LRRN4: variants seen among roughly 807,000 people sequenced by gnomAD.
The protein encoded by LRRN4 is leucine-rich repeat neuronal protein 4.
Under a neutral mutation model 22.3 loss-of-function variants are expected in LRRN4, and 26 were observed. The ratio of observed to expected loss-of-function variants is 1.16; its 90% CI spans 0.85 to 1.62. The LOEUF (loss-of-function observed/expected upper bound fraction) is 1.62, where lower values mean the gene tolerates loss of function less well. Ranked by LOEUF, LRRN4 falls within the 40% of genes most tolerant of loss-of-function variation. The pLI, the probability that LRRN4 is intolerant of heterozygous loss-of-function variation, is 0.00. For synonymous variants in LRRN4, 496 were observed against 486.2 expected (o/e 1.02, Z -0.26); for missense variants, 1,070 against 1,008.5 (o/e 1.06, Z -0.83).
chr20:6,041,930 C>A lies in LRRN4; in HGVS notation c.1315G>T (p.Gly439Cys). ...GGGAAAACGCTGGAGTTGCTGTGAC[C>A]TGCTACAGAGTTGGTCGTGGAGGGG... Reference protein sequence around the residue: ...TAPSTTNSVAGHSNSSVFPRA... With the variant: ...TAPSTTNSVACHSNSSVFPRA... The change falls in exon 5 of 5, where the codon GGT becomes TGT. Residue 439 changes from glycine to cysteine, a missense_variant. Physicochemically the swap from Gly to Cys is radical, Grantham distance 159 (BLOSUM62 -3). Transcript: ENST00000378858. The surrounding 1 kb of genome is among the most constrained non-coding windows in gnomAD (Gnocchi z 9.4). 6.2e-7 allele frequency: 1 copy of A among 1,614,194 alleles called. No homozygotes were observed. The highest frequency in any genetic ancestry group is 8.5e-7 in the Non-Finnish European group (1 of 1,180,030).
At chr20:6,050,329 G>A (rs1003576845) in intron 3 of LRRN4, among the ~76,000 whole-genome samples, 5 of 152,208 alleles carry the variant, frequency 3.3e-5, no homozygotes, top group Admixed American at 2.6e-4. Flanking sequence ...GTGTAAAAGA[G>A]GACTAACAGG....
At position 6,041,962 on chromosome 20, in the gene LRRN4, C is replaced by T. The variant is rs866219303; in HGVS notation, c.1283G>A (p.Gly428Glu). 1 of 1,614,054 alleles carries T rather than the reference C, an allele frequency of 6.2e-7. No individual in the cohort carries two copies. Among genetic ancestry groups the T allele is most frequent in the Non-Finnish European group, 8.5e-7 (1 of 1,180,002 alleles). The change falls in exon 5 of 5, where the codon GGG becomes GAG. Residue 428 changes from glycine (G) to glutamate (E), a missense_variant. Physicochemically the swap from Gly to Glu is moderately conservative, Grantham distance 98 (BLOSUM62 -2). Coordinates refer to ENST00000378858, the MANE Select transcript of LRRN4 (RefSeq NM_152611.5). This position sits in a 1 kb window ranked among gnomAD's most constrained non-coding sequence, Gnocchi z 9.4. ...AAWPHSDARE[G>E]TAPSTTNSVA... Reference sequence around the variant, plus strand: ...AGAGTTGGTCGTGGAGGGGGCAGTCCCCTCCCGTGCATCGCTGTGCGGCCA... The same window carrying T: ...AGAGTTGGTCGTGGAGGGGGCAGTCTCCTCCCGTGCATCGCTGTGCGGCCA...
At chr20:6,050,149 A>G (rs1477655103) in intron 3 of LRRN4, among the ~76,000 whole-genome samples, 6 of 152,252 alleles carry the variant, frequency 3.9e-5, no homozygotes, top group African/African-American at 1.4e-4. Context: ...TTGGGTTTTT[A>G]TCGAGCTCAA....
chr20:6,053,401 G>T (rs1363962045), intron 1 of LRRN4, among the ~76,000 whole-genome samples: 1 of 152,174 alleles, frequency 6.6e-6, no homozygotes, highest in Non-Finnish European at 1.5e-5. Flanking sequence ...GAAGAACAAA[G>T]CCCTGTGAAC....
chr20:6,041,296 C>T lies in LRRN4; in HGVS notation c.1949G>A (p.Cys650Tyr). 6.3e-7 allele frequency: 1 copy of T among 1,594,538 alleles called. No individual in the cohort carries two copies. The highest frequency in any genetic ancestry group is 8.5e-7 in the Non-Finnish European group (1 of 1,173,896). Reference sequence around the variant, plus strand: ...GCCCGCCCTGTTGGCCGCCAGCACGCACACGCGGTAGGTGGTGCCCGGCGA... The same window carrying T: ...GCCCGCCCTGTTGGCCGCCAGCACGTACACGCGGTAGGTGGTGCCCGGCGA... ...GLSPGTTYRV[C>Y]VLAANRAGLS... The change falls in exon 5 of 5, where the codon TGC becomes TAC. Residue 650 changes from cysteine (C) to tyrosine (Y), a missense_variant. By Grantham distance (194) the Cys-to-Tyr change is radical (BLOSUM62 -2). Transcript: ENST00000378858. The surrounding 1 kb of genome is among the most constrained non-coding windows in gnomAD (Gnocchi z 9.4).
chr20:6,042,841 C>G (rs1262808663), intron 4 of LRRN4, among the ~76,000 whole-genome samples: 1 of 151,038 alleles, frequency 6.6e-6, no homozygotes, highest in Admixed American at 6.6e-5. Flanking sequence ...ATCACTTGAA[C>G]CTGGGAGGCA....
At chr20:6,045,058 TC>T (rs1981071808) in intron 3 of LRRN4, among the ~76,000 whole-genome samples, 1 of 149,738 alleles carries the variant, frequency 6.7e-6, no homozygotes, top group Non-Finnish European at 1.5e-5. Context: ...ACATTTTTTT[TC>T]TTTGAGTAAC....
At position 6,045,152 on chromosome 20, in the gene LRRN4, G is replaced by T. The variant is rs1482514451; in HGVS notation, c.861-472C>A. ...CTGATCGTTGTATCAAAAAGAATGTGTGTTGGCTGGGCACGGTGGCTCATA... is the reference window on the plus strand; with the variant it reads ...CTGATCGTTGTATCAAAAAGAATGTTTGTTGGCTGGGCACGGTGGCTCATA... On this transcript the variant is annotated intron_variant, in intron 3 of 4. Coordinates refer to ENST00000378858, the MANE Select transcript of LRRN4 (RefSeq NM_152611.5). 4.0e-5 allele frequency among the ~76,000 whole-genome samples: 6 copies of T among 148,712 alleles called. 1 individual carries two copies. In the East Asian group the frequency reaches 1.2e-3, roughly 29 times the overall value.
In LRRN4 at chr20:6,040,938, C is replaced by G. The variant is rs1367278013; in HGVS notation, c.*84G>C. On this transcript the variant is annotated 3_prime_UTR_variant, in exon 5 of 5. Transcript: ENST00000378858. Reference sequence around the variant, plus strand: ...TCACGGGAATTAGAAACCCTAGGAGCGGATGGGGTCGTTTTTGACCGTCTG... The same window carrying G: ...TCACGGGAATTAGAAACCCTAGGAGGGGATGGGGTCGTTTTTGACCGTCTG... 6.4e-7 allele frequency: 1 copy of G among 1,554,214 alleles called. No individual in the cohort carries two copies. The highest frequency in any genetic ancestry group is 8.7e-7 in the Non-Finnish European group (1 of 1,146,040).
chr20:6,051,568 A>G (rs1981246550), intron 2 of LRRN4, among the ~76,000 whole-genome samples: 1 of 152,208 alleles, frequency 6.6e-6, no homozygotes, highest in Non-Finnish European at 1.5e-5. Context: ...TTGTGAATCA[A>G]AGAACACCAA....
chr20:6,041,123 G>C lies in LRRN4; in HGVS notation c.2122C>G (p.Arg708Gly), dbSNP rs760763590. 1.9e-6 allele frequency: 3 copies of C among 1,611,528 alleles called. No homozygotes were observed. The African/African-American group carries it at 4.0e-5, about 22-fold the overall frequency. The stretch of plus-strand genomic sequence containing the variant: ...CGCTGCAGGCCCAGCGTCTGGCCCC[G>C]CCTGCAGAGACATGCGGACAGCACC... Reference protein sequence around the residue: ...TVVLSACLCRRGQTLGLQRCD... With the variant: ...TVVLSACLCRGGQTLGLQRCD... Residue 708 changes from arginine to glycine, a missense_variant, in exon 5 of 5, where the codon CGG becomes GGG. Arg to Gly is a moderately radical substitution (Grantham distance 125). Coordinates refer to ENST00000378858, the MANE Select transcript of LRRN4 (RefSeq NM_152611.5). The surrounding 1 kb of genome is among the most constrained non-coding windows in gnomAD (Gnocchi z 9.4).
In LRRN4 at chr20:6,041,130, G is replaced by A; in HGVS notation, c.2115C>T (p.Leu705=). The A allele has an allele frequency of 6.2e-7, 1 of 1,610,992 alleles. No homozygotes were observed. Among genetic ancestry groups the A allele is most frequent in the South Asian group, 1.1e-5 (1 of 90,770 alleles). Residue 705 remains leucine (L), a synonymous_variant, in exon 5 of 5, where the codon CTC becomes CTT. Transcript: ENST00000378858. This position sits in a 1 kb window ranked among gnomAD's most constrained non-coding sequence, Gnocchi z 9.4. ...GGCCCAGCGTCTGGCCCCGCCTGCA[G>A]AGACATGCGGACAGCACCACGGTGC... ...LASTVVLSAC[L]CRRGQTLGLQ... is the part of the protein sequence containing the mutation.
chr20:6,052,446 C>A lies in LRRN4; in HGVS notation c.354G>T (p.Pro118=), dbSNP rs764198761. Residue 118 remains proline, a synonymous_variant, in exon 2 of 5, where the codon CCG becomes CCT. Coordinates refer to ENST00000378858, the MANE Select transcript of LRRN4 (RefSeq NM_152611.5). ...HNRIAALRWG[P]GGPAGLHTLD... The stretch of plus-strand genomic sequence containing the variant: ...GGGTGTGCAGCCCCGCCGGCCCACC[C>A]GGGCCCCAGCGCAGCGCGGCGATGC... The A allele has an allele frequency of 3.2e-6, 5 of 1,552,318 alleles. No homozygotes were observed. Among genetic ancestry groups the A allele is most frequent in the Admixed American group, 1.9e-5 (1 of 52,886 alleles).
chr20:6,053,264 C>T (rs965742609), intron 1 of LRRN4, among the ~76,000 whole-genome samples: 1 of 152,084 alleles, frequency 6.6e-6, no homozygotes, highest in African/African-American at 2.4e-5. Flanking sequence ...AGATTTTGTC[C>T]GTTCAGCAAC....
chr20:6,043,621 C>A (rs1343489560), intron 4 of LRRN4, among the ~76,000 whole-genome samples: 1 of 151,644 alleles, frequency 6.6e-6, no homozygotes, highest in Non-Finnish European at 1.5e-5. Flanking sequence ...AGAAAAGAAT[C>A]TTGGCCGGGC....
chr20:6,051,131 A>G (rs1185101888), intron 2 of LRRN4, 148 bp from the exon 3 acceptor site: 1 of 721,088 alleles, frequency 1.4e-6, no homozygotes, highest in Non-Finnish European at 2.4e-6. Flanking sequence ...GGAATCTCAG[A>G]ATTGTGGTCA....
At position 6,041,594 on chromosome 20, in the gene LRRN4, G is replaced by T. The variant is rs1980951595; in HGVS notation, c.1651C>A (p.Pro551Thr). The change falls in exon 5 of 5, where the codon CCC becomes ACC. Residue 551 changes from proline to threonine, a missense_variant. Physicochemically the swap from Pro to Thr is conservative, Grantham distance 38 (BLOSUM62 -1). Transcript: ENST00000378858. This position sits in a 1 kb window ranked among gnomAD's most constrained non-coding sequence, Gnocchi z 9.4. ...CACGGGGTCTGCAGGTGCTTGCAGG[G>T]ATGGTAATCACAGGGGACGTCCTGG... is the stretch of plus-strand genomic sequence containing the variant. ...PHQDVPCDYH[P>T]CKHLQTPCAE... 4 of 1,569,206 alleles carry T rather than the reference G, an allele frequency of 2.5e-6. No homozygotes were observed. The highest frequency in any genetic ancestry group is 3.5e-6 in the Non-Finnish European group (4 of 1,155,254).
intron 2 of LRRN4, 95 bp downstream of exon 2, chr20:6,052,050 C>T (rs1187132789): frequency 1.5e-5 from 21 of 1,421,662 alleles, no homozygotes; most frequent in Non-Finnish European, 1.3e-5. Flanking sequence ...ACCCGGGTCA[C>T]CCCTCGAGGA....
Position 6,041,593 on chromosome 20 carries a change from G to A in LRRN4, c.1652C>T (p.Pro551Leu), listed in dbSNP as rs1980951499. 4 of 1,568,592 alleles carry A rather than the reference G, an allele frequency of 2.6e-6. No homozygotes were observed. The highest frequency in any genetic ancestry group is 3.5e-6 in the Non-Finnish European group (4 of 1,154,948). The change falls in exon 5 of 5, where the codon CCC becomes CTC. Residue 551 changes from proline to leucine, a missense_variant. Transcript: ENST00000378858. This position sits in a 1 kb window ranked among gnomAD's most constrained non-coding sequence, Gnocchi z 9.4. ...PHQDVPCDYH[P>L]CKHLQTPCAE... Reference sequence around the variant, plus strand: ...GCACGGGGTCTGCAGGTGCTTGCAGGGATGGTAATCACAGGGGACGTCCTG... The same window carrying A: ...GCACGGGGTCTGCAGGTGCTTGCAGAGATGGTAATCACAGGGGACGTCCTG...
Sources: gnomAD v4.1 joint callset for allele counts (sites outside exome capture counted in the v4.1 genomes callset) on GRCh38, gnomAD v4.1.1 for gene constraint, Gnocchi (gnomAD v3.1) non-coding constraint, MANE v1.5 for transcripts, NCBI Gene and HGNC (gene_info 2026-07-23, HGNC 2026-07-21) for gene names.